The following DNAH6 variants were observed in gnomAD, a reference collection of about 807,000 sequenced individuals.
DNAH6 encodes the protein axonemal beta dynein heavy chain 6.
Under a neutral mutation model 491.4 loss-of-function variants are expected in DNAH6, and 340 were observed. The observed-to-expected ratio is 0.69, with a 90% CI of 0.63 to 0.76. The LOEUF is 0.76. Ranked by LOEUF, DNAH6 falls within the 30% of genes least tolerant of loss-of-function variation. DNAH6 has a pLI of 0.00. For synonymous variants in DNAH6, 1,603 were observed against 1,686.1 expected, an observed-to-expected ratio of 0.95 and a Z score of 1.21; for missense variants, 4,443 against 4,972.2, an observed-to-expected ratio of 0.89 and a Z score of 3.20.
chr2:84,730,901 C>A (rs1028447711), intron 61 of DNAH6, among the ~76,000 whole-genome samples: 2 of 152,110 alleles, frequency 1.3e-5, no homozygotes, highest in African/African-American at 4.8e-5. Flanking sequence ...GTTAACTAAT[C>A]TAAGAGTCTT....
At chr2:84,610,980 G>A (rs10191710) in intron 21 of DNAH6, among the ~76,000 whole-genome samples, 25,647 of 152,138 alleles carry the variant, frequency 0.17, 3,288 homozygotes, top group East Asian at 0.64. Context: ...ACCAGGAAGT[G>A]GTTGTAACAT....
At chr2:84,747,227 A>G (rs889723117) in intron 63 of DNAH6, among the ~76,000 whole-genome samples, 3 of 152,186 alleles carry the variant, frequency 2.0e-5, no homozygotes, top group Non-Finnish European at 4.4e-5. Flanking sequence ...TCAAAGTTTC[A>G]AAGTCCAAAG....
At chr2:84,511,639 A>G (rs942751371), upstream of DNAH6, among the ~76,000 whole-genome samples, 1 of 152,174 alleles carries the variant, frequency 6.6e-6, no homozygotes, top group African/African-American at 2.4e-5. Flanking sequence ...TTGGAAATGC[A>G]GAAATCACCT....
At chr2:84,465,866 T>C in the DNAH6 span, among the ~76,000 whole-genome samples, 1 of 152,234 alleles carries the variant, frequency 6.6e-6, no homozygotes, top group African/African-American at 2.4e-5. Flanking sequence ...TTCCAATTTT[T>C]ACTAAAGACA....
In DNAH6 at chr2:84,625,038, A is replaced by AC; in HGVS notation, c.4491dup (p.Cys1498LeufsTer27). On this transcript the variant is annotated frameshift_variant, in exon 29 of 77. Transcript: ENST00000389394. LOFTEE classifies it high-confidence loss of function. Reference sequence around the variant, plus strand: ...CTTGCCATCCAGTGTGTGGTCTTTAACTGTTCAGATGGTTTGGACTACAAG... The same window carrying AC: ...CTTGCCATCCAGTGTGTGGTCTTTAACCTGTTCAGATGGTTTGGACTACAAG... 1 of 1,549,794 alleles carries AC rather than the reference A, an allele frequency of 6.5e-7. No individual in the cohort carries two copies.
At chr2:84,810,320 C>T (rs988942444) in intron 72 of DNAH6, among the ~76,000 whole-genome samples, 6 of 152,188 alleles carry the variant, frequency 3.9e-5, no homozygotes, top group East Asian at 1.9e-4. Flanking sequence ...CTAAATCTTC[C>T]GTGAATATTT....
rs767289672 is a variant in DNAH6, at chr2:84,701,276, C to A, written c.7998C>A (p.Ser2666=). ...LRRRYYTTPT[S]YLELINLYLS... ...GGCGGTACTACACGACACCCACCTCCTACCTGGAGCTTATCAATCTTTACC... is the reference window on the plus strand; with the variant it reads ...GGCGGTACTACACGACACCCACCTCATACCTGGAGCTTATCAATCTTTACC... The change falls in exon 49 of 77, where the codon TCC becomes TCA. Residue 2666 remains serine, a synonymous_variant. Coordinates refer to ENST00000389394, the MANE Select transcript of DNAH6 (RefSeq NM_001370.2). 2 of 1,551,882 alleles carry A rather than the reference C, an allele frequency of 1.3e-6. No homozygotes were observed. Among genetic ancestry groups the A allele is most frequent in the South Asian group, 2.4e-5 (2 of 84,066 alleles).
At chr2:84,689,201 T>A (rs934931759) in intron 45 of DNAH6, among the ~76,000 whole-genome samples, 1 of 152,196 alleles carries the variant, frequency 6.6e-6, no homozygotes, top group Non-Finnish European at 1.5e-5. Flanking sequence ...TGTGAAGCAG[T>A]CATGATTAAG....
At chr2:84,504,144 A>C in the DNAH6 span, among the ~76,000 whole-genome samples, 1 of 151,968 alleles carries the variant, frequency 6.6e-6, no homozygotes, top group Non-Finnish European at 1.5e-5. Flanking sequence ...CCCTGTCTTC[A>C]AGCTCACTAA....
intron 40 of DNAH6, 103 bp from the exon 41 acceptor site, chr2:84,676,902 A>G: frequency 1.5e-6 from 2 of 1,335,006 alleles, no homozygotes; most frequent in Non-Finnish European, 2.1e-6. Context: ...TGCACAAAAA[A>G]AAATGTAATG....
At chr2:84,537,329 A>G (rs1272749261) in intron 4 of DNAH6, among the ~76,000 whole-genome samples, 1 of 152,014 alleles carries the variant, frequency 6.6e-6, no homozygotes, top group African/African-American at 2.4e-5. Flanking sequence ...TTTTCTGAGC[A>G]TGTGCCCTGT....
intron 52 of DNAH6, 89 bp downstream of exon 52, chr2:84,705,836 T>A: frequency 7.3e-7 from 1 of 1,378,740 alleles, no homozygotes; most frequent in Admixed American, 2.8e-5. Context: ...ACTGTGGTCC[T>A]ACGCAATATA....
Position 84,544,265 on chromosome 2 carries a change from A to G in DNAH6, c.695A>G (p.Asp232Gly). The change falls in exon 5 of 77, where the codon GAC becomes GGC. Residue 232 changes from aspartate (D) to glycine (G), a missense_variant. Physicochemically the swap from Asp to Gly is moderately conservative, Grantham distance 94. Transcript: ENST00000389394. ...VVSYENINKN[D>G]YYTISQRAVT... is the part of the protein sequence containing the mutation. ...AGTTATGAGAACATCAATAAAAATG[A>G]CTACTATACTATTAGCCAAAGGGCA... 6.7e-7 allele frequency: 1 copy of G among 1,484,928 alleles called. No individual in the cohort carries two copies. Among genetic ancestry groups the G allele is most frequent in the African/African-American group, 1.4e-5 (1 of 71,766 alleles). 92.0% of individuals were successfully genotyped at this position (1,484,928 alleles called of 1,614,324 possible).
intron 31 of DNAH6, among the ~76,000 whole-genome samples, chr2:84,639,558 A>G (rs1179716037): frequency 6.6e-6 from 1 of 151,678 alleles, no homozygotes; most frequent in Middle Eastern, 3.2e-3. Context: ...AGCTGAGATT[A>G]CAGGCTCCTG....
intron 58 of DNAH6, 135 bp downstream of exon 58, chr2:84,715,762 C>T: frequency 5.0e-6 from 4 of 805,512 alleles, no homozygotes. Context: ...AAAAAAAATA[C>T]AAGTAAGTGG....
At chr2:84,781,740 T>C in intron 65 of DNAH6, 87 bp downstream of exon 65, 1 of 1,384,334 alleles carries the variant, frequency 7.2e-7, no homozygotes, top group Non-Finnish European at 9.6e-7. Flanking sequence ...TAATTCATTA[T>C]TGTAGGCACT....
chr2:84,717,632 A>G (rs751863481), intron 58 of DNAH6, among the ~76,000 whole-genome samples: 7 of 152,228 alleles, frequency 4.6e-5, no homozygotes, highest in Non-Finnish European at 7.3e-5. Flanking sequence ...TGCATTGCAT[A>G]GAGTAGTACT....
intron 68 of DNAH6, among the ~76,000 whole-genome samples, chr2:84,790,426 C>T (rs1487220388): frequency 6.6e-6 from 1 of 152,074 alleles, no homozygotes; most frequent in Non-Finnish European, 1.5e-5. Context: ...CTTCAACACA[C>T]ACCATCAAGA....
chr2:84,573,885 G>GT (rs1239896020), intron 12 of DNAH6, among the ~76,000 whole-genome samples: 1 of 152,160 alleles, frequency 6.6e-6, no homozygotes, highest in African/African-American at 2.4e-5. Flanking sequence ...CATATGAGAA[G>GT]TTGTTGAAAG....
Sources: allele counts gnomAD v4.1 joint callset (sites outside exome capture counted in the v4.1 genomes callset), GRCh38; gene constraint gnomAD v4.1.1; transcripts MANE v1.5; gene names NCBI Gene and HGNC (gene_info 2026-07-23, HGNC 2026-07-21).